NAV2: variants seen among roughly 807,000 people sequenced by gnomAD.
NAV2 encodes helicase, APC down-regulated 1.
A neutral mutation model predicts 223.2 loss-of-function variants in NAV2; 54 were observed. The ratio of observed to expected loss-of-function variants is 0.24; its 90% confidence interval spans 0.19 to 0.30. NAV2 has a LOEUF of 0.30. NAV2 is among the 10% of genes least tolerant of loss of function. The pLI is 1.00. For synonymous variants in NAV2, 1,279 were observed against 1,239.3 expected, an observed-to-expected ratio of 1.03 and a Z score of -0.67; for missense variants, 2,806 against 3,147.5, an observed-to-expected ratio of 0.89 and a Z score of 2.60.
chr11:19,649,978 G>A (rs4757009), intron 1 of NAV2, among the ~76,000 whole-genome samples: 131,652 of 152,192 alleles, frequency 0.87, 58,009 homozygotes, highest in Middle Eastern at 0.97. Context: ...AACTTTTTCT[G>A]TCGCTGGCAG....
intron 1 of NAV2, among the ~76,000 whole-genome samples, chr11:19,477,012 C>T (rs2042137026): frequency 2.0e-5 from 3 of 152,164 alleles, no homozygotes. Flanking sequence ...GTTATCACAG[C>T]CCCACCCTCC....
intron 1 of NAV2, among the ~76,000 whole-genome samples, chr11:19,618,567 T>C (rs1260791720): frequency 6.6e-6 from 1 of 152,082 alleles, no homozygotes; most frequent in Non-Finnish European, 1.5e-5. Context: ...AGGCTCATCC[T>C]TGTCATCAGG....
chr11:19,782,237 G>A (rs2056806762), intron 1 of NAV2, among the ~76,000 whole-genome samples: 1 of 152,320 alleles, frequency 6.6e-6, no homozygotes, highest in Non-Finnish European at 1.5e-5. Flanking sequence ...TGGGTAATGA[G>A]CCCTCATAGC....
chr11:19,979,316 T>G (rs1393008155), intron 10 of NAV2: 1 of 152,264 alleles, frequency 6.6e-6, no homozygotes, highest in Non-Finnish European at 1.5e-5. Context: ...CATTAGTACC[T>G]TCATGTATCC....
chr11:19,656,461 G>T (rs568276777), intron 1 of NAV2, among the ~76,000 whole-genome samples: 58 of 152,328 alleles, frequency 3.8e-4, no homozygotes, highest in African/African-American at 1.0e-3. Flanking sequence ...CGTGAGTGAG[G>T]GGGGAGAGGC....
Position 19,618,426 on chromosome 11 carries a change from A to G in NAV2, c.76-214058A>G, listed in dbSNP as rs2046874380. Among the ~76,000 whole-genome samples the G allele has an allele frequency of 1.3e-5, 2 of 150,538 alleles. 1 individual carries two copies. The highest frequency in any genetic ancestry group is 3.0e-5 in the Non-Finnish European group (2 of 67,678). On this transcript the variant is annotated intron_variant, in intron 1 of 37. Coordinates refer to the NAV2 transcript ENST00000360655. ...GATGGATGGATGGATGGATGGATGG[A>G]TGGATGGATGGACGGATGGGTGGAT...
At chr11:19,899,403 A>T (rs2042261186) in intron 6 of NAV2, among the ~76,000 whole-genome samples, 1 of 152,178 alleles carries the variant, frequency 6.6e-6, no homozygotes, top group Non-Finnish European at 1.5e-5. Flanking sequence ...TCCTGCTATT[A>T]ACCAGGATTC....
chr11:19,739,258 A>T (rs73429715), intron 1 of NAV2, among the ~76,000 whole-genome samples: 1 of 152,358 alleles, frequency 6.6e-6, no homozygotes, highest in African/African-American at 2.4e-5. Flanking sequence ...AGTAAAATTT[A>T]AAATCATTTA....
intron 1 of NAV2, among the ~76,000 whole-genome samples, chr11:19,524,567 G>A (rs1012091334): frequency 6.6e-6 from 1 of 152,196 alleles, no homozygotes; most frequent in African/African-American, 2.4e-5. Context: ...GATCTAGTGA[G>A]TTCAGCTCCC....
At chr11:19,349,831 C>T (rs962398732), upstream of NAV2, among the ~76,000 whole-genome samples, 2 of 152,140 alleles carry the variant, frequency 1.3e-5, no homozygotes, top group Non-Finnish European at 2.9e-5. Flanking sequence ...CTCCGAGCTT[C>T]TGTGACGTCA....
chr11:19,974,438 A>G (rs2049525339), intron 10 of NAV2, among the ~76,000 whole-genome samples: 1 of 152,232 alleles, frequency 6.6e-6, no homozygotes, highest in Non-Finnish European at 1.5e-5. Context: ...TTAGTTAATA[A>G]TAATGTATTA....
chr11:20,093,202 T>G lies in NAV2; in HGVS notation c.5916+3T>G. 1.9e-6 allele frequency: 3 copies of G among 1,588,522 alleles called. No individual in the cohort carries two copies. The highest frequency in any genetic ancestry group is 1.1e-5 in the South Asian group (1 of 90,476). ...AGGAGGAAATGAAGTGGAAGGAGGT[T>G]AGTTGGATCCCTTTCCCTGCTTTGC... On this transcript the variant is annotated splice_donor_region_variant and intron_variant, in intron 29 of 37. Transcript: ENST00000349880.
intron 3 of NAV2, among the ~76,000 whole-genome samples, chr11:19,858,288 G>A (rs1015747181): frequency 1.3e-5 from 2 of 152,090 alleles, no homozygotes; most frequent in South Asian, 2.1e-4. Flanking sequence ...ATTATCTCAC[G>A]TATAAACAAG....
At chr11:19,642,257 C>T (rs1351616877) in intron 1 of NAV2, among the ~76,000 whole-genome samples, 1 of 152,214 alleles carries the variant, frequency 6.6e-6, no homozygotes, top group Non-Finnish European at 1.5e-5. Context: ...GGGAGGAGGC[C>T]ATTGTTCAAT....
intron 11 of NAV2, chr11:20,023,180 C>T: frequency 2.0e-6 from 3 of 1,517,468 alleles, no homozygotes; most frequent in Non-Finnish European, 2.7e-6. Context: ...GGGTGTGGTG[C>T]ATGTACTGCC....
At chr11:19,865,767 C>A (rs2062051148) in intron 3 of NAV2, among the ~76,000 whole-genome samples, 1 of 149,700 alleles carries the variant, frequency 6.7e-6, no homozygotes, top group African/African-American at 2.6e-5. Context: ...TTTTGGCTCC[C>A]TGTATTTCAT....
chr11:19,841,058 C>A (rs749567876), intron 2 of NAV2, among the ~76,000 whole-genome samples: 1 of 152,144 alleles, frequency 6.6e-6, no homozygotes, highest in Non-Finnish European at 1.5e-5. Context: ...CTTTTGGGAG[C>A]AAGGCTTTCT....
chr11:19,359,340 G>A (rs1853799673), intron 1 of NAV2, among the ~76,000 whole-genome samples: 1 of 152,176 alleles, frequency 6.6e-6, no homozygotes, highest in African/African-American at 2.4e-5. Context: ...CCCCACTGTA[G>A]AGACATGCCT....
chr11:19,700,116 T>C (rs1247410513), intron 1 of NAV2, among the ~76,000 whole-genome samples: 2 of 152,206 alleles, frequency 1.3e-5, no homozygotes, highest in African/African-American at 4.8e-5. Context: ...GAATACTTAA[T>C]GTGTTCCAGG....
Sources: gnomAD v4.1 joint callset for allele counts (sites outside exome capture counted in the v4.1 genomes callset) on GRCh38, gnomAD v4.1.1 for gene constraint, MANE v1.5 for transcripts, NCBI Gene and HGNC (gene_info 2026-07-23, HGNC 2026-07-21) for gene names.